The following KLHL1 variants were observed in gnomAD, a reference collection of about 807,000 sequenced individuals.
The protein encoded by KLHL1 is kelch-like protein 1.
A neutral mutation model predicts 77.7 loss-of-function variants in KLHL1; 47 were observed. That is an observed-to-expected ratio of 0.60 (90% CI 0.48 to 0.77). The LOEUF is 0.77. Among genes scored for constraint, KLHL1 ranks in the 30% least tolerant of loss-of-function variants. The probability of loss-of-function intolerance (pLI) is 0.00; values close to 1 mark genes in which losing one functional copy is unlikely to be tolerated. For missense variants in KLHL1, 925 were observed against 910.8 expected (o/e 1.02, Z -0.20); for synonymous variants, 360 against 325.2 (o/e 1.11, Z -1.15).
At chr13:69,821,209 A>G (rs1174179945) in intron 6 of KLHL1, among the ~76,000 whole-genome samples, 1 of 152,220 alleles carries the variant, frequency 6.6e-6, no homozygotes, top group African/African-American at 2.4e-5. Flanking sequence ...AGTTTGACAA[A>G]CCCTGCTTTT....
intron 8 of KLHL1, among the ~76,000 whole-genome samples, chr13:69,726,857 A>G (rs1342191593): frequency 6.6e-6 from 1 of 152,160 alleles, no homozygotes. Flanking sequence ...CTCTGAGGGC[A>G]GAATTTATTT....
chr13:70,027,718 T>C (rs1183893129), intron 1 of KLHL1, among the ~76,000 whole-genome samples: 4 of 145,700 alleles, frequency 2.7e-5, no homozygotes, highest in Non-Finnish European at 6.0e-5. Context: ...AACCTCTTTA[T>C]GCAGCTTGCA....
chr13:69,985,739 T>A (rs1490101762), intron 1 of KLHL1, among the ~76,000 whole-genome samples: 1 of 148,412 alleles, frequency 6.7e-6, no homozygotes, highest in Non-Finnish European at 1.5e-5. Flanking sequence ...GCCTAAGTGT[T>A]CATCAAAGGC....
chr13:69,772,068 T>C (rs1264461483), intron 7 of KLHL1, among the ~76,000 whole-genome samples: 1 of 152,010 alleles, frequency 6.6e-6, no homozygotes, highest in East Asian at 1.9e-4. Context: ...TATCCTGCCT[T>C]TGCCTCCCGA....
At position 69,990,265 on chromosome 13, in the gene KLHL1, G is replaced by A. The variant is rs141424631; in HGVS notation, c.498-14463C>T. 5.1e-3 allele frequency among the ~76,000 whole-genome samples: 778 copies of A among 152,082 alleles called. 4 individuals carry two copies. Among genetic ancestry groups the A allele is most frequent in the Non-Finnish European group, 8.3e-3 (561 of 67,936 alleles). On this transcript the variant is annotated intron_variant, in intron 1 of 10. Transcript: ENST00000377844. ...CCTTATAAAGCAACTACACAGGCAA[G>A]TCTGCATAATAACCAGCTAACAACA... is the stretch of plus-strand genomic sequence containing the variant.
intron 4 of KLHL1, among the ~76,000 whole-genome samples, chr13:69,936,683 C>T (rs540850334): frequency 3.7e-4 from 56 of 150,396 alleles, no homozygotes; most frequent in African/African-American, 1.2e-3. Flanking sequence ...AAATAAAACA[C>T]TCAATGTTCT....
intron 1 of KLHL1, among the ~76,000 whole-genome samples, chr13:70,048,089 T>G (rs912729058): frequency 1.3e-5 from 2 of 152,210 alleles, no homozygotes; most frequent in African/African-American, 4.8e-5. Context: ...ACTCCAAAAT[T>G]TGACATGCTG....
At chr13:70,007,268 ATTC>A (rs1257938321) in intron 1 of KLHL1, among the ~76,000 whole-genome samples, 1 of 152,066 alleles carries the variant, frequency 6.6e-6, no homozygotes, top group Non-Finnish European at 1.5e-5. Flanking sequence ...TCACAACAAA[ATTC>A]TAGAATTTAG....
Position 69,882,424 on chromosome 13 carries a change from C to T in KLHL1, c.1086G>A (p.Leu362=). 1.9e-6 allele frequency: 3 copies of T among 1,613,808 alleles called. No homozygotes were observed. Among genetic ancestry groups the T allele is most frequent in the Non-Finnish European group, 2.5e-6 (3 of 1,179,766 alleles). The change falls in exon 5 of 11, where the codon CTG becomes CTA. Residue 362 remains leucine, a synonymous_variant. Transcript: ENST00000377844. ...CAGGAACATTGACATCATCACTGGC[C>T]AGTAGTTTATGGAGCTCCTCAGCTG... ...LLPAEELHKL[L]ASDDVNVPDE...
intron 7 of KLHL1, among the ~76,000 whole-genome samples, chr13:69,748,054 A>G (rs9572257): frequency 0.24 from 36,039 of 151,852 alleles, 4,462 homozygotes; most frequent in South Asian, 0.32. Flanking sequence ...TCTACTGGAG[A>G]TACAATAGAG....
intron 4 of KLHL1, among the ~76,000 whole-genome samples, chr13:69,937,033 C>A (rs1270210154): frequency 6.6e-6 from 1 of 152,170 alleles, no homozygotes; most frequent in African/African-American, 2.4e-5. Flanking sequence ...TTGGCAAGAT[C>A]TAACCAAAAA....
intron 1 of KLHL1, among the ~76,000 whole-genome samples, chr13:70,053,577 A>C (rs1886678574): frequency 6.6e-6 from 1 of 152,140 alleles, no homozygotes; most frequent in Admixed American, 6.5e-5. Context: ...TTTTTAAAAA[A>C]CAGTGGTAAG....
intron 1 of KLHL1, among the ~76,000 whole-genome samples, chr13:70,102,379 A>C (rs1887942208): frequency 6.6e-6 from 1 of 152,212 alleles, no homozygotes; most frequent in Admixed American, 6.5e-5. Context: ...ATGAACTATA[A>C]TTTAGAAAAT....
intron 10 of KLHL1, among the ~76,000 whole-genome samples, chr13:69,704,880 A>G (rs2137868839): frequency 6.6e-6 from 1 of 151,834 alleles, no homozygotes; most frequent in African/African-American, 2.4e-5. Flanking sequence ...GCTTCTCTGT[A>G]ACAAAATTCT....
At chr13:69,720,326 A>G (rs1872986441) in intron 8 of KLHL1, among the ~76,000 whole-genome samples, 1 of 152,230 alleles carries the variant, frequency 6.6e-6, no homozygotes, top group East Asian at 1.9e-4. Context: ...CCATTTAATC[A>G]TAGTCATGAT....
intron 8 of KLHL1, among the ~76,000 whole-genome samples, chr13:69,731,772 C>T (rs991891370): frequency 1.3e-5 from 2 of 151,716 alleles, no homozygotes; most frequent in African/African-American, 4.8e-5. Flanking sequence ...ACTAAGGAAA[C>T]TTCTAGCAAA....
At chr13:69,939,250 G>T (rs1168386999) in intron 4 of KLHL1, among the ~76,000 whole-genome samples, 1 of 146,958 alleles carries the variant, frequency 6.8e-6, no homozygotes, top group Non-Finnish European at 1.5e-5. Context: ...ATGCTATAAA[G>T]TACACAAATT....
At chr13:69,841,077 T>C (rs1879241743) in intron 5 of KLHL1, among the ~76,000 whole-genome samples, 1 of 151,946 alleles carries the variant, frequency 6.6e-6, no homozygotes, top group South Asian at 2.1e-4. Context: ...GATACTATTC[T>C]TTCATTTGGA....
intron 9 of KLHL1, among the ~76,000 whole-genome samples, chr13:69,709,021 T>C (rs1566352007): frequency 6.6e-6 from 1 of 152,058 alleles, no homozygotes; most frequent in East Asian, 1.9e-4. Context: ...AGAATATTCA[T>C]ATTACCCACA....
Sources: allele counts gnomAD v4.1 joint callset (sites outside exome capture counted in the v4.1 genomes callset), GRCh38; gene constraint gnomAD v4.1.1; transcripts MANE v1.5; gene names NCBI Gene and HGNC (gene_info 2026-07-23, HGNC 2026-07-21).